Variants in JAG2 observed in about 807,000 individuals in gnomAD.
The protein encoded by JAG2 is protein jagged-2.
Under a neutral mutation model 141.7 loss-of-function variants are expected in JAG2, and 46 were observed. The observed-to-expected ratio is 0.32, with a 90% CI of 0.26 to 0.42. The LOEUF is 0.42. Among genes scored for constraint, JAG2 ranks in the 10% least tolerant of loss-of-function variants. The probability of loss-of-function intolerance (pLI) is 1.00; values close to 1 mark genes in which losing one functional copy is unlikely to be tolerated. For synonymous variants in JAG2, 862 were observed against 763.5 expected (o/e 1.13, Z -2.13); for missense variants, 1,500 against 1,817.5 (o/e 0.83, Z 3.18).
chr14:105,149,135 C>CCCCCCCCCCCCCCCCCCCCCT, intron 13 of JAG2, 35 bp downstream of exon 13: 1 of 1,533,892 alleles, frequency 6.5e-7, no homozygotes, highest in Non-Finnish European at 8.9e-7. Context: ...CCCTGCCCCA[C>CCCCCCCCCCCCCCCCCCCCCT]CACCTCCCCC....
Position 105,168,393 on chromosome 14 carries a change from G to C in JAG2, c.28C>G (p.Pro10Ala). 1 of 1,028,778 alleles carries C rather than the reference G, an allele frequency of 9.7e-7. No homozygotes were observed. Among genetic ancestry groups the C allele is most frequent in the Non-Finnish European group, 1.2e-6 (1 of 838,718 alleles). 63.7% of individuals were successfully genotyped at this position (1,028,778 alleles called of 1,614,324 possible). A position where few individuals can be genotyped will look rare whatever the true frequency, so the allele number is the denominator to read the frequency against. The change falls in exon 1 of 26, where the codon CCC becomes GCC. Residue 10 changes from proline (P) to alanine (A), a missense_variant. Around this residue, in one of 3 missense-constraint regions of JAG2, gnomAD observed 200 missense variants for 174.3 expected, o/e 1.15. Transcript: ENST00000331782. MRAQGRGRL[P>A]RRLLLLLALW... ...GCCAGCAGCAGCAGCAGCCGCCGGG[G>C]AAGGCGCCCCCGGCCCTGCGCCCGC...
Position 105,148,120 on chromosome 14 carries a change from G to A in JAG2, c.2244C>T (p.Ala748=), listed in dbSNP as rs1223037053. Residue 748 remains alanine, a synonymous_variant, in exon 17 of 26, where the codon GCC becomes GCT. Coordinates refer to ENST00000331782, the MANE Select transcript of JAG2 (RefSeq NM_002226.5). ...CPPGWKGSTC[A]VAKNSSCLPN... is the part of the protein sequence containing the mutation. ...GAGGCAGCGGGGGCTCCTCACCGAC[G>A]GCGCAGGTGCTGCCCTTCCAGCCGG... The A allele has an allele frequency of 3.2e-5, 49 of 1,546,782 alleles. No homozygotes were observed. Among genetic ancestry groups the A allele is most frequent in the Non-Finnish European group, 4.1e-5 (47 of 1,145,112 alleles).
At chr14:105,150,499 C>A (rs1888387953) in intron 12 of JAG2, 105 bp downstream of exon 12, 2 of 1,221,726 alleles carry the variant, frequency 1.6e-6, no homozygotes, top group South Asian at 1.5e-5. Flanking sequence ...GGGACAACTT[C>A]CCCTGCAGCA....
chr14:105,147,594 G>T, intron 18 of JAG2, 67 bp from the exon 19 acceptor site: 1 of 1,522,100 alleles, frequency 6.6e-7, no homozygotes, highest in Non-Finnish European at 9.1e-7. Context: ...CACTGTCCAG[G>T]CTGGCTTGGC....
chr14:105,164,994 C>T (rs1045416944), intron 2 of JAG2, among the ~76,000 whole-genome samples: 4 of 152,254 alleles, frequency 2.6e-5, no homozygotes, highest in South Asian at 2.1e-4. Context: ...AGATCTGTCA[C>T]GGGGACCATG....
At chr14:105,151,130 G>T (rs116916276) in intron 9 of JAG2, 26 bp from the exon 10 acceptor site, 1 of 1,586,682 alleles carries the variant, frequency 6.3e-7, no homozygotes, top group East Asian at 2.3e-5. Flanking sequence ...GGTGGGAGCC[G>T]TGGGGCTCGG....
At position 105,142,663 on chromosome 14, in the gene JAG2, GC is replaced by G; in HGVS notation, c.*31del. On this transcript the variant is annotated 3_prime_UTR_variant, in exon 26 of 26. Coordinates refer to ENST00000331782, the MANE Select transcript of JAG2 (RefSeq NM_002226.5). ...GCAGACGGCATGGCTCCCACCGAGG[GC>G]CCTGGGTCCCGGCCCAGCTGGCAGC... The G allele has an allele frequency of 6.5e-7, 1 of 1,531,724 alleles. No individual in the cohort carries two copies. 94.9% of individuals were successfully genotyped at this position (1,531,724 alleles called of 1,614,324 possible).
intron 8 of JAG2, 104 bp downstream of exon 8, chr14:105,151,522 C>A (rs1888431376): frequency 3.8e-6 from 5 of 1,329,446 alleles, no homozygotes; most frequent in Non-Finnish European, 5.3e-6. Flanking sequence ...GCCGCAGCCA[C>A]ACGTGTGGAC....
chr14:105,146,857 CG>C (rs1377046861), intron 20 of JAG2, 133 bp from the exon 21 acceptor site: 1 of 768,332 alleles, frequency 1.3e-6, no homozygotes, highest in East Asian at 2.7e-5. Context: ...CCCCTGCCCC[CG>C]AGCCCAAGCT....
intron 2 of JAG2, among the ~76,000 whole-genome samples, chr14:105,166,924 T>C (rs1286374076): frequency 2.0e-5 from 3 of 152,146 alleles, no homozygotes; most frequent in Non-Finnish European, 4.4e-5. Flanking sequence ...GGCAAGGCCG[T>C]GCTCCAGGCA....
At chr14:105,146,575 A>C (rs763734769) in intron 21 of JAG2, 36 bp downstream of exon 21, 55 of 1,604,526 alleles carry the variant, frequency 3.4e-5, no homozygotes, top group Non-Finnish European at 4.5e-5. Context: ...ATGCCCCCCA[A>C]CCCGCCCCAA....
In JAG2 at chr14:105,150,678, C is replaced by T. The variant is rs900977267; in HGVS notation, c.1528G>A (p.Gly510Ser). ...DECASSPCHS[G>S]GLCEDLADGF... ...TCGGCCAGGTCCTCGCAGAGGCCGC[C>T]GCTGTGGCAGGGGCTGCTGGCACAC... The change falls in exon 12 of 26, where the codon GGC (glycine) becomes AGC (serine). Residue 510 changes from glycine (G) to serine (S), a missense_variant. Gly to Ser is a moderately conservative substitution (Grantham distance 56, BLOSUM62 0). Coordinates refer to ENST00000331782, the MANE Select transcript of JAG2 (RefSeq NM_002226.5). The T allele has an allele frequency of 1.9e-5, 29 of 1,552,038 alleles. No homozygotes were observed. The highest frequency in any genetic ancestry group is 1.7e-4 in the Middle Eastern group (1 of 5,990).
Position 105,157,689 on chromosome 14 carries a change from G to T in JAG2, c.475+17C>A, listed in dbSNP as rs758530559. The stretch of plus-strand genomic sequence containing the variant: ...TGAAGCTGAGAGGAGCTGCCACCTG[G>T]CCCAGGGCTCACTCACCATTCGGGG... On this transcript the variant is annotated intron_variant, in intron 3 of 25. Transcript: ENST00000331782. The T allele has an allele frequency of 1.5e-5, 24 of 1,553,338 alleles. No homozygotes were observed. In the East Asian group the frequency reaches 3.2e-4, roughly 20 times the overall value.
Position 105,149,330 on chromosome 14 carries a change from G to A in JAG2, c.1603-10C>T, listed in dbSNP as rs767349126. ...AAAGGTCGACATCCACCTGCAGGGT[G>A]GGGGGTGCCTGTGAGAGCCTAGGCC... On this transcript the variant is annotated splice_polypyrimidine_tract_variant and intron_variant, in intron 12 of 25. Transcript: ENST00000331782. 10 of 1,611,910 alleles carry A rather than the reference G, an allele frequency of 6.2e-6. No individual in the cohort carries two copies. In the East Asian group the frequency reaches 6.7e-5, roughly 11 times the overall value.
At chr14:105,152,557 G>A (rs1460791057) in intron 5 of JAG2, among the ~76,000 whole-genome samples, 2 of 152,178 alleles carry the variant, frequency 1.3e-5, no homozygotes, top group South Asian at 2.1e-4. Context: ...CCCGTGAGCT[G>A]GGCCCCGAGA....
rs1458521767 is a variant in JAG2, at chr14:105,167,719, A to G, written c.417+38T>C. ...GCGCGGGGCCGGGGCGCGGAGAGAG[A>G]GGGAAGGGCTGGAGCACGAGGGATG... On this transcript the variant is annotated intron_variant, in intron 2 of 25. Transcript: ENST00000331782. The surrounding 1 kb of genome is among the most constrained non-coding windows in gnomAD (Gnocchi z 4.8). 2.1e-6 allele frequency: 3 copies of G among 1,398,434 alleles called. No homozygotes were observed. The highest frequency in any genetic ancestry group is 1.5e-5 in the African/African-American group (1 of 65,866). 86.6% of individuals were successfully genotyped at this position (1,398,434 alleles called of 1,614,324 possible).
rs1440006408 is a variant in JAG2, at chr14:105,145,842, C to G, written c.2841G>C (p.Gly947=). 6.4e-7 allele frequency: 1 copy of G among 1,562,062 alleles called. No individual in the cohort carries two copies. Among genetic ancestry groups the G allele is most frequent in the African/African-American group, 1.4e-5 (1 of 73,424 alleles). The change falls in exon 23 of 26, where the codon GGG becomes GGC. Residue 947 remains glycine, a synonymous_variant. Coordinates refer to ENST00000331782, the MANE Select transcript of JAG2 (RefSeq NM_002226.5). ...QCLRPPCEAW[G]ECGAEEPPST... ...TCGGTGGCTCTTCTGCGCCGCACTC[C>G]CCCCAGGCCTCACAGGGTGGTCGCA... is the stretch of plus-strand genomic sequence containing the variant.
At chr14:105,164,549 G>GA (rs930713872) in intron 2 of JAG2, among the ~76,000 whole-genome samples, 49 of 152,318 alleles carry the variant, frequency 3.2e-4, no homozygotes, top group Admixed American at 1.3e-3. Context: ...CCCAAGCTCA[G>GA]AAAAAACAGG....
intron 22 of JAG2, 47 bp from the exon 23 acceptor site, chr14:105,146,020 T>C (rs201090561): frequency 1.3e-6 from 2 of 1,571,994 alleles, no homozygotes; most frequent in Admixed American, 3.6e-5. Flanking sequence ...CACAGGAGGG[T>C]CAGATGCAGG....
Sources: allele counts gnomAD v4.1 joint callset (sites outside exome capture counted in the v4.1 genomes callset), GRCh38; gene constraint gnomAD v4.1.1; regional missense constraint gnomAD v4.1.1; non-coding constraint Gnocchi (gnomAD v3.1); transcripts MANE v1.5; gene names NCBI Gene and HGNC (gene_info 2026-07-23, HGNC 2026-07-21).